The following SETD2 variants were observed in gnomAD, a reference collection of about 807,000 sequenced individuals.
SETD2 encodes the protein SET domain containing 2, histone lysine methyltransferase.
SETD2 carries 31 observed loss-of-function variants against 242.1 expected under a neutral mutation model. The ratio of observed to expected loss-of-function variants is 0.13; its 90% CI spans 0.10 to 0.17. The LOEUF (loss-of-function observed/expected upper bound fraction) is 0.17, where lower values mean the gene tolerates loss of function less well. Ranked by LOEUF, SETD2 falls within the 10% of genes least tolerant of loss-of-function variation. The pLI is 1.00. For missense variants in SETD2, 2,481 were observed against 3,046.3 expected (o/e 0.81, Z 4.37); for synonymous variants, 1,006 against 1,066.5 (o/e 0.94, Z 1.11).
chr3:47,113,823 A>C, intron 5 of SETD2, 53 bp downstream of exon 5: 1 of 1,570,186 alleles, frequency 6.4e-7, no homozygotes, highest in Non-Finnish European at 8.7e-7. Flanking sequence ...TGGGTGAAAG[A>C]GTGAGACCTT....
chr3:47,049,375 T>TA (rs1553682198), intron 15 of SETD2, among the ~76,000 whole-genome samples: 2 of 6,930 alleles, frequency 2.9e-4, no homozygotes, highest in Non-Finnish European at 1.1e-3. Context: ...AAACTTATTC[T>TA]TTTTTTTTTT....
rs1207499251 is a variant in SETD2 at position 47,016,878 on chromosome 3, T to C, written c.*215A>G. ...CTAAGCCCTTGCACCTCTGATGGCT[T>C]CTAACCACATGCCAACAGCTCACAA... On this transcript the variant is annotated 3_prime_UTR_variant, in exon 21 of 21. Coordinates refer to ENST00000409792, the MANE Select transcript of SETD2 (RefSeq NM_014159.7). 1.8e-6 allele frequency: 1 copy of C among 551,396 alleles called. No individual in the cohort carries two copies. The allele number at this position is 551,396 out of a possible 1,614,324, so 34.2% of individuals were successfully genotyped here.
intron 6 of SETD2, chr3:47,105,768 T>C (rs764705022): frequency 2.2e-6 from 1 of 458,930 alleles, no homozygotes; most frequent in Non-Finnish European, 4.1e-6. Context: ...CAAGGCGTGG[T>C]GGCGGGCGCC....
At chr3:47,038,650 C>A (rs1050152357) in intron 17 of SETD2, among the ~76,000 whole-genome samples, 2 of 151,856 alleles carry the variant, frequency 1.3e-5, no homozygotes, top group African/African-American at 4.8e-5. Context: ...AAAACTTGTA[C>A]CCTCTGCTAA....
chr3:47,157,498 A>C (rs1169027358), intron 1 of SETD2: 1 of 455,908 alleles, frequency 2.2e-6, no homozygotes, highest in Non-Finnish European at 4.4e-6. Flanking sequence ...CTTTCTTTTG[A>C]CCAAATTTGC....
At chr3:47,028,560 C>T (rs2107512202) in intron 18 of SETD2, among the ~76,000 whole-genome samples, 1 of 152,260 alleles carries the variant, frequency 6.6e-6, no homozygotes, top group Non-Finnish European at 1.5e-5. Flanking sequence ...AGGTGATCCA[C>T]AAGTAACTTG....
intron 15 of SETD2, among the ~76,000 whole-genome samples, chr3:47,055,245 A>C (rs2040005072): frequency 6.6e-6 from 1 of 152,246 alleles, no homozygotes. Flanking sequence ...TGAAAATATG[A>C]ACAGAAGTAA....
At chr3:47,047,767 A>G (rs1000502594) in intron 15 of SETD2, among the ~76,000 whole-genome samples, 2 of 152,234 alleles carry the variant, frequency 1.3e-5, no homozygotes, top group Non-Finnish European at 2.9e-5. Flanking sequence ...TACCATCAGA[A>G]TAGTATCACA....
At chr3:47,024,098 G>C (rs1428694971) in intron 18 of SETD2, among the ~76,000 whole-genome samples, 1 of 152,186 alleles carries the variant, frequency 6.6e-6, no homozygotes, top group South Asian at 2.1e-4. Flanking sequence ...CCAGCACTTT[G>C]GGAGGCCGAG....
At chr3:47,041,988 C>G (rs1328885783) in intron 17 of SETD2, among the ~76,000 whole-genome samples, 1 of 152,116 alleles carries the variant, frequency 6.6e-6, no homozygotes, top group Non-Finnish European at 1.5e-5. Flanking sequence ...GTCTATGACC[C>G]CTGATACTTA....
intron 5 of SETD2, among the ~76,000 whole-genome samples, chr3:47,107,460 TG>T (rs1477209366): frequency 6.6e-6 from 1 of 150,844 alleles, no homozygotes; most frequent in Non-Finnish European, 1.5e-5. Flanking sequence ...TTATAGTGGA[TG>T]TATATATATA....
chr3:47,078,276 A>T (rs1205497482), intron 12 of SETD2, among the ~76,000 whole-genome samples: 2 of 152,212 alleles, frequency 1.3e-5, no homozygotes, highest in Non-Finnish European at 2.9e-5. Context: ...TAGTAATGGG[A>T]CAATTCAGTA....
rs576146611 is a variant in SETD2, at chr3:47,046,679, C to T, written c.6964-58G>A. The T allele has an allele frequency of 1.0e-4, 153 of 1,484,478 alleles. 1 individual carries two copies. The East Asian group carries it at 3.3e-3, about 32-fold the overall frequency. The allele number at this position is 1,484,478 out of a possible 1,614,324, so 92.0% of individuals were successfully genotyped here. On this transcript the variant is annotated intron_variant, in intron 15 of 20. Transcript: ENST00000409792. ...AGCTTTTGTCACTTTAATAAACAGA[C>T]TGACTTCCAAGTTGGCACAATCTTA...
chr3:47,063,473 T>C (rs2040427772), intron 13 of SETD2, among the ~76,000 whole-genome samples: 1 of 151,994 alleles, frequency 6.6e-6, no homozygotes, highest in East Asian at 1.9e-4. Context: ...CAAGATCCTG[T>C]CTCTTAAAAA....
rs145181962 is a variant in SETD2, at chr3:47,098,039, C to G, written c.5058G>C (p.Arg1686=). ...CTCTGTTTTCTCCTCCCAGGTAACCCCGGCAATTGGCTGATCCGCAGAAAC... is the reference window on the plus strand; with the variant it reads ...CTCTGTTTTCTCCTCCCAGGTAACCGCGGCAATTGGCTGATCCGCAGAAAC... The part of the protein sequence containing the change: ...QKCFCGSANC[R]GYLGGENRVS... The change falls in exon 9 of 21, where the codon CGG becomes CGC. Residue 1686 remains arginine (R), a synonymous_variant. Transcript: ENST00000409792. 1.2e-6 allele frequency: 2 copies of G among 1,613,908 alleles called. No homozygotes were observed. The highest frequency in any genetic ancestry group is 2.7e-5 in the African/African-American group (2 of 74,886).
intron 16 of SETD2, among the ~76,000 whole-genome samples, chr3:47,045,720 T>G (rs1455923108): frequency 1.4e-5 from 2 of 146,128 alleles, no homozygotes; most frequent in Admixed American, 6.9e-5. Flanking sequence ...CAAAAATTCA[T>G]AGTAAAATAT....
intron 9 of SETD2, among the ~76,000 whole-genome samples, chr3:47,091,682 C>G (rs6414436): frequency 0.65 from 98,889 of 152,000 alleles, 32,620 homozygotes; most frequent in African/African-American, 0.76. Flanking sequence ...AGAATCACTT[C>G]AGCGCGGGAG....
intron 18 of SETD2, among the ~76,000 whole-genome samples, chr3:47,030,867 A>T (rs1352458749): frequency 6.6e-6 from 1 of 152,210 alleles, no homozygotes; most frequent in Non-Finnish European, 1.5e-5. Flanking sequence ...GTCCTTCAGT[A>T]AGTGAATGAT....
At chr3:47,056,121 T>C in intron 15 of SETD2, among the ~76,000 whole-genome samples, 1 of 147,860 alleles carries the variant, frequency 6.8e-6, no homozygotes, top group Non-Finnish European at 1.5e-5. Flanking sequence ...TTTATTTATT[T>C]ATTTATTTAT....
Sources: allele counts gnomAD v4.1 joint callset (sites outside exome capture counted in the v4.1 genomes callset), GRCh38; gene constraint gnomAD v4.1.1; transcripts MANE v1.5; gene names NCBI Gene and HGNC (gene_info 2026-07-23, HGNC 2026-07-21).